Variants in TMEM163 observed in about 807,000 individuals in gnomAD.
TMEM163 encodes the protein transmembrane protein 163.
A neutral mutation model predicts 29.3 loss-of-function variants in TMEM163; 17 were observed. The ratio of observed to expected loss-of-function variants is 0.58; its 90% CI spans 0.40 to 0.87. The LOEUF (loss-of-function observed/expected upper bound fraction) is 0.87. TMEM163 is among the 40% of genes least tolerant of loss of function. The pLI is 0.00. For missense variants in TMEM163, 303 were observed against 381.5 expected (o/e 0.79, Z 1.71); for synonymous variants, 157 against 160.6 (o/e 0.98, Z 0.17).
intron 5 of TMEM163, among the ~76,000 whole-genome samples, chr2:134,472,969 C>T (rs1357444288): frequency 1.3e-5 from 2 of 152,114 alleles, no homozygotes; most frequent in South Asian, 2.1e-4. Flanking sequence ...TAAAACAACC[C>T]ACTTCTTAAA....
chr2:134,648,468 C>T (rs1448812431), intron 2 of TMEM163, among the ~76,000 whole-genome samples: 2 of 152,054 alleles, frequency 1.3e-5, no homozygotes, highest in Non-Finnish European at 2.9e-5. Flanking sequence ...CACAGTGGGC[C>T]ACAGTTCCAG....
intron 6 of TMEM163, among the ~76,000 whole-genome samples, chr2:134,462,162 GTC>G (rs58581077): frequency 6.6e-6 from 1 of 151,310 alleles, no homozygotes; most frequent in Non-Finnish European, 1.5e-5. Context: ...TCTGCTCTCT[GTC>G]TCTCTCTCTC....
intron 5 of TMEM163, among the ~76,000 whole-genome samples, chr2:134,497,232 A>G (rs995958733): frequency 2.0e-5 from 3 of 152,220 alleles, no homozygotes; most frequent in African/African-American, 7.2e-5. Flanking sequence ...TTTGCAGTGC[A>G]ATGCAAAAAC....
At chr2:134,582,319 C>T (rs1259679688) in intron 2 of TMEM163, among the ~76,000 whole-genome samples, 1 of 152,146 alleles carries the variant, frequency 6.6e-6, no homozygotes, top group Admixed American at 6.5e-5. Flanking sequence ...ATGGTAGGTG[C>T]ACCTAATAGC....
chr2:134,606,651 T>C (rs1682374039), intron 2 of TMEM163, among the ~76,000 whole-genome samples: 1 of 151,890 alleles, frequency 6.6e-6, no homozygotes, highest in Admixed American at 6.5e-5. Flanking sequence ...CACCTATAGA[T>C]GAACTGGCAG....
At chr2:134,713,178 C>G in intron 2 of TMEM163, 22 bp downstream of exon 2, 1 of 1,609,198 alleles carries the variant, frequency 6.2e-7, no homozygotes, top group Non-Finnish European at 8.5e-7. Flanking sequence ...ACATATTGGC[C>G]GACGAGACCC....
At chr2:134,528,650 C>T (rs978437925) in intron 4 of TMEM163, among the ~76,000 whole-genome samples, 3 of 152,168 alleles carry the variant, frequency 2.0e-5, no homozygotes, top group Admixed American at 6.5e-5. Flanking sequence ...TGTAATGATA[C>T]CACTTTGCCT....
chr2:134,525,587 G>C (rs1472125603), intron 4 of TMEM163, among the ~76,000 whole-genome samples: 1 of 152,182 alleles, frequency 6.6e-6, no homozygotes, highest in Non-Finnish European at 1.5e-5. Context: ...TAATGAAGTA[G>C]ACATTTTGCT....
chr2:134,471,959 T>C (rs1167792354), intron 5 of TMEM163, among the ~76,000 whole-genome samples: 2 of 152,258 alleles, frequency 1.3e-5, no homozygotes, highest in African/African-American at 4.8e-5. Flanking sequence ...AACAGCGATT[T>C]CCTTGCTGGG....
intron 2 of TMEM163, among the ~76,000 whole-genome samples, chr2:134,588,366 A>G (rs1317145600): frequency 6.6e-6 from 1 of 152,242 alleles, no homozygotes; most frequent in Non-Finnish European, 1.5e-5. Context: ...AGCTATGCCA[A>G]TCACACCTTG....
rs188088711 is a variant in TMEM163 at position 134,689,367 on chromosome 2, C to T, written c.322+23833G>A. 3.8e-3 allele frequency among the ~76,000 whole-genome samples: 585 copies of T among 152,272 alleles called. 6 individuals are homozygous for T. The highest frequency in any genetic ancestry group is 0.013 in the African/African-American group (551 of 41,550). The stretch of plus-strand genomic sequence containing the variant: ...AGGTGATCTGCCTGCCTCGGCCTCC[C>T]GAACTGCTGGGATTACAGGCATGAG... On this transcript the variant is annotated intron_variant, in intron 2 of 7. Transcript: ENST00000281924.
intron 2 of TMEM163, among the ~76,000 whole-genome samples, chr2:134,620,841 A>G (rs1682715023): frequency 2.6e-5 from 4 of 152,342 alleles, no homozygotes; most frequent in Admixed American, 2.6e-4. Flanking sequence ...AATGAGTAAC[A>G]GCACTAAATG....
chr2:134,516,521 A>C (rs897524970), intron 4 of TMEM163, among the ~76,000 whole-genome samples: 13 of 151,562 alleles, frequency 8.6e-5, no homozygotes, highest in African/African-American at 2.9e-4. Context: ...AGATTGCGCC[A>C]CTGCACTCCA....
At chr2:134,620,319 C>T (rs764454213) in intron 2 of TMEM163, among the ~76,000 whole-genome samples, 20 of 151,568 alleles carry the variant, frequency 1.3e-4, no homozygotes, top group South Asian at 1.2e-3. Flanking sequence ...TGCAATGGCG[C>T]GATCTCGGCT....
chr2:134,649,504 G>C (rs1310831183), intron 2 of TMEM163, among the ~76,000 whole-genome samples: 1 of 152,094 alleles, frequency 6.6e-6, no homozygotes, highest in Non-Finnish European at 1.5e-5. Context: ...ATAACAATCT[G>C]GTAATGTTTA....
chr2:134,703,975 T>G (rs1684755502), intron 2 of TMEM163, among the ~76,000 whole-genome samples: 1 of 152,210 alleles, frequency 6.6e-6, no homozygotes, highest in African/African-American at 2.4e-5. Flanking sequence ...ACGGATTTTG[T>G]CAGCTACTTC....
At chr2:134,626,351 T>A (rs998071272) in intron 2 of TMEM163, among the ~76,000 whole-genome samples, 1 of 152,018 alleles carries the variant, frequency 6.6e-6, no homozygotes, top group African/African-American at 2.4e-5. Context: ...GTGATCTGCC[T>A]GCCTCGGCCT....
chr2:134,637,248 T>C (rs985636787), intron 2 of TMEM163, among the ~76,000 whole-genome samples: 3 of 152,214 alleles, frequency 2.0e-5, no homozygotes, highest in Non-Finnish European at 4.4e-5. Flanking sequence ...TGCATGGGTT[T>C]CCTCTGGAGA....
At chr2:134,599,582 T>C (rs558876088) in intron 2 of TMEM163, among the ~76,000 whole-genome samples, 1 of 152,176 alleles carries the variant, frequency 6.6e-6, no homozygotes, top group Non-Finnish European at 1.5e-5. Context: ...CAAAGTTCTG[T>C]TGTTTCTAAG....
Sources: gnomAD v4.1 joint callset for allele counts (sites outside exome capture counted in the v4.1 genomes callset) on GRCh38, gnomAD v4.1.1 for gene constraint, MANE v1.5 for transcripts, NCBI Gene and HGNC (gene_info 2026-07-23, HGNC 2026-07-21) for gene names.